NLRP13: variants seen among roughly 807,000 people sequenced by gnomAD.
NLRP13 encodes NACHT, LRR and PYD domains-containing protein 13.
NLRP13 carries 82 observed loss-of-function variants against 94.4 expected under a neutral mutation model. That is an observed-to-expected ratio of 0.87 (90% CI 0.73 to 1.04). The LOEUF (loss-of-function observed/expected upper bound fraction) is 1.04, where lower values mean the gene tolerates loss of function less well. Among genes scored for constraint, NLRP13 ranks in the 50% least tolerant of loss-of-function variants. The probability of loss-of-function intolerance (pLI) is 0.00; values close to 1 mark genes in which losing one functional copy is unlikely to be tolerated. For missense variants in NLRP13, 1,426 were observed against 1,230.8 expected (o/e 1.16, Z -2.37); for synonymous variants, 553 against 464.7 (o/e 1.19, Z -2.45).
chr19:55,905,693 T>C (rs1262700496), intron 7 of NLRP13, among the ~76,000 whole-genome samples: 6 of 151,890 alleles, frequency 4.0e-5, no homozygotes, highest in African/African-American at 1.5e-4. Flanking sequence ...TTCTCAGCCC[T>C]ATTGAGGTGT....
Position 55,930,874 on chromosome 19 carries a change from T to TTTTATA in NLRP13, c.319+1118_319+1119insTATAAA, listed in dbSNP as rs55900335. Among the ~76,000 whole-genome samples, 148 of 70,188 alleles carry TTTTATA rather than the reference T, an allele frequency of 2.1e-3. 1 individual carries two copies. The Middle Eastern group carries it at 0.03, about 14-fold the overall frequency. 46.0% of individuals were successfully genotyped at this position (70,188 alleles called of 152,430 possible). A position where few individuals can be genotyped will look rare whatever the true frequency, so the allele number is the denominator to read the frequency against. On this transcript the variant is annotated intron_variant, in intron 1 of 10. Transcript: ENST00000342929. Reference sequence around the variant, plus strand: ...GGCTTACAGGAGATAGAATCAGTGATTATATATATATATATATATATATAA... The same window carrying TTTTATA: ...GGCTTACAGGAGATAGAATCAGTGATTTTATATATATATATATATATATATATATAA...
chr19:55,929,614 G>A (rs1881914949), intron 1 of NLRP13, among the ~76,000 whole-genome samples: 2 of 152,112 alleles, frequency 1.3e-5, no homozygotes, highest in South Asian at 4.2e-4. Context: ...ATCACCCACT[G>A]GGCCTGTCAG....
Position 55,902,294 on chromosome 19 carries a change from C to T in NLRP13, c.2619-89G>A, listed in dbSNP as rs113363422. Reference sequence around the variant, plus strand: ...CAGAGCCTCAGGGCCCCCTCCGAGCCTACACATGCAGCAGCTCCCTGGACG... The same window carrying T: ...CAGAGCCTCAGGGCCCCCTCCGAGCTTACACATGCAGCAGCTCCCTGGACG... On this transcript the variant is annotated intron_variant, in intron 8 of 10. Coordinates refer to ENST00000342929, the MANE Select transcript of NLRP13 (RefSeq NM_176810.2). The T allele has an allele frequency of 1.3e-4, 145 of 1,093,890 alleles. No homozygotes were observed. The African/African-American group carries it at 1.9e-3, about 14-fold the overall frequency. 67.8% of individuals were successfully genotyped at this position (1,093,890 alleles called of 1,614,324 possible). A position where few individuals can be genotyped will look rare whatever the true frequency, so the allele number is the denominator to read the frequency against.
At chr19:55,928,910 A>G (rs1484700578) in intron 1 of NLRP13, among the ~76,000 whole-genome samples, 1 of 152,202 alleles carries the variant, frequency 6.6e-6, no homozygotes, top group Non-Finnish European at 1.5e-5. Flanking sequence ...GCTAATATCC[A>G]GAATCTACAA....
chr19:55,925,315 C>G (rs1475756174), intron 1 of NLRP13, among the ~76,000 whole-genome samples: 1 of 152,236 alleles, frequency 6.6e-6, no homozygotes, highest in African/African-American at 2.4e-5. Flanking sequence ...TCTCAAGGCT[C>G]TGCTGAAATC....
rs755161040 is a variant in NLRP13, at chr19:55,913,212, A to G, written c.605T>C (p.Val202Ala). The G allele has an allele frequency of 1.9e-6, 3 of 1,613,990 alleles. No individual in the cohort carries two copies. The highest frequency in any genetic ancestry group is 2.2e-5 in the South Asian group (2 of 91,084). ...GTCCTTTGATGTATTACGGATATATACGTGGTCTTTAGGCCAACTGATGTT... is the reference window on the plus strand; with the variant it reads ...GTCCTTTGATGTATTACGGATATATGCGTGGTCTTTAGGCCAACTGATGTT... ...WDNISWPKDH[V>A]YIRNTSKDEH... is the part of the protein sequence containing the mutation. The change falls in exon 5 of 11, where the codon GTA becomes GCA. Residue 202 changes from valine to alanine, a missense_variant. By Grantham distance (64) the Val-to-Ala change is moderately conservative. Coordinates refer to ENST00000342929, the MANE Select transcript of NLRP13 (RefSeq NM_176810.2).
chr19:55,912,994 A>G lies in NLRP13; in HGVS notation c.823T>C (p.Tyr275His), dbSNP rs746112690. 1.7e-5 allele frequency: 27 copies of G among 1,614,150 alleles called. No homozygotes were observed. Among genetic ancestry groups the G allele is most frequent in the Non-Finnish European group, 8.5e-6 (10 of 1,180,006 alleles). ...VFYLSCHKIRYMKETTFAELI... is the reference protein window; with the variant it reads ...VFYLSCHKIRHMKETTFAELI... The stretch of plus-strand genomic sequence containing the variant: ...TCAGCAAAGGTAGTTTCCTTCATGT[A>G]CCTTATTTTATGGCAGCTGAGATAG... Residue 275 changes from tyrosine (Y) to histidine (H), a missense_variant, in exon 5 of 11, where the codon TAC becomes CAC. By Grantham distance (83) the Tyr-to-His change is moderately conservative. Transcript: ENST00000342929.
chr19:55,906,149 C>T (rs1444941869), intron 7 of NLRP13, among the ~76,000 whole-genome samples: 1 of 151,840 alleles, frequency 6.6e-6, no homozygotes, highest in Admixed American at 6.6e-5. Flanking sequence ...ACCAGCCTGT[C>T]CAACATGGTG....
chr19:55,926,919 T>A (rs1986978953), intron 1 of NLRP13, among the ~76,000 whole-genome samples: 1 of 152,014 alleles, frequency 6.6e-6, no homozygotes, highest in Non-Finnish European at 1.5e-5. Flanking sequence ...GCAGAAGCAA[T>A]TCAATAGATA....
rs771533652 is a variant in NLRP13, at chr19:55,910,623, G to C, written c.2222C>G (p.Ser741Cys). Residue 741 changes from serine (S) to cysteine (C), a missense_variant, in exon 6 of 11, where the codon TCC becomes TGC. By Grantham distance (112) the Ser-to-Cys change is moderately radical (BLOSUM62 -1). Coordinates refer to ENST00000342929, the MANE Select transcript of NLRP13 (RefSeq NM_176810.2). ...TGCAAGACAGAGACCCTTCACAGAG[G>C]AAGCATGAAGTTTGCTGTTACTCAG... ...LDLSNSKLHA[S>C]SVKGLCLALK... is the part of the protein sequence containing the mutation. The C allele has an allele frequency of 3.7e-6, 6 of 1,613,568 alleles. No homozygotes were observed. The African/African-American group carries it at 6.7e-5, about 18-fold the overall frequency.
intron 10 of NLRP13, 129 bp downstream of exon 10, chr19:55,898,640 TG>T: frequency 2.0e-6 from 2 of 1,003,934 alleles, no homozygotes; most frequent in Non-Finnish European, 2.8e-6. Flanking sequence ...CCACCACACC[TG>T]GGTGAGATTT....
At chr19:55,924,338 G>A (rs1192152692) in intron 3 of NLRP13, among the ~76,000 whole-genome samples, 2 of 152,040 alleles carry the variant, frequency 1.3e-5, no homozygotes, top group African/African-American at 4.8e-5. Context: ...GGCAAGGCTG[G>A]TCTCAAACTC....
intron 1 of NLRP13, among the ~76,000 whole-genome samples, chr19:55,928,789 G>C (rs575444895): frequency 6.6e-6 from 1 of 152,104 alleles, no homozygotes; most frequent in African/African-American, 2.4e-5. Flanking sequence ...TTGACAAATG[G>C]GATCTAATTG....
chr19:55,917,774 A>G (rs1023617055), intron 4 of NLRP13, among the ~76,000 whole-genome samples: 1 of 152,066 alleles, frequency 6.6e-6, no homozygotes, highest in Non-Finnish European at 1.5e-5. Flanking sequence ...GATTCATAAA[A>G]CAAATATTAT....
downstream of NLRP13, among the ~76,000 whole-genome samples, chr19:55,895,050 A>C (rs1441661026): frequency 1.3e-5 from 2 of 152,240 alleles, no homozygotes; most frequent in East Asian, 3.9e-4. Flanking sequence ...CAAACACCAA[A>C]ATTACTTTGT....
At chr19:55,931,435 G>A (rs4991666) in intron 1 of NLRP13, among the ~76,000 whole-genome samples, 27,927 of 151,640 alleles carry the variant, frequency 0.18, 2,807 homozygotes, top group African/African-American at 0.26. Context: ...TGGGCTGGGC[G>A]CGGTGGCTCA....
At chr19:55,909,666 C>T (rs890516869) in intron 6 of NLRP13, among the ~76,000 whole-genome samples, 2 of 152,194 alleles carry the variant, frequency 1.3e-5, no homozygotes, top group Non-Finnish European at 2.9e-5. Context: ...GATAGGTACA[C>T]ACACACAAGT....
At chr19:55,911,635 G>C in intron 5 of NLRP13, 71 bp downstream of exon 5, 2 of 1,387,686 alleles carry the variant, frequency 1.4e-6, no homozygotes, top group Non-Finnish European at 2.0e-6. Context: ...CCCTGGTTTT[G>C]CATGAAAGAA....
In NLRP13 at chr19:55,910,693, T is replaced by C; in HGVS notation, c.2152A>G (p.Ile718Val). 6.2e-7 allele frequency: 1 copy of C among 1,612,452 alleles called. No individual in the cohort carries two copies. Among genetic ancestry groups the C allele is most frequent in the Non-Finnish European group, 8.5e-7 (1 of 1,178,650 alleles). Residue 718 changes from isoleucine to valine, a missense_variant, in exon 6 of 11, where the codon ATT becomes GTT. Coordinates refer to ENST00000342929, the MANE Select transcript of NLRP13 (RefSeq NM_176810.2). ...TCATTTGTGACCAACGTAGAGCAAA[T>C]GCTGTTCCATGCGTGCATCCTGGAA... ...FDSRMHAWNS[I>V]CSTLVTNENL...
Sources: allele counts gnomAD v4.1 joint callset (sites outside exome capture counted in the v4.1 genomes callset), GRCh38; gene constraint gnomAD v4.1.1; transcripts MANE v1.5; gene names NCBI Gene and HGNC (gene_info 2026-07-23, HGNC 2026-07-21).